ZNF438: variants seen among roughly 807,000 people sequenced by gnomAD.
ZNF438 encodes zinc finger protein 438.
A neutral mutation model predicts 38.0 loss-of-function variants in ZNF438; 25 were observed. The ratio of observed to expected loss-of-function variants is 0.66; its 90% CI spans 0.48 to 0.92. ZNF438 has a LOEUF of 0.92. ZNF438 is among the 40% of genes least tolerant of loss of function. The probability of loss-of-function intolerance (pLI) is 0.00; values close to 1 mark genes in which losing one functional copy is unlikely to be tolerated. For missense variants in ZNF438, 1,007 were observed against 999.6 expected (o/e 1.01, Z -0.10); for synonymous variants, 372 against 364.1 (o/e 1.02, Z -0.25).
At chr10:30,846,022 C>G (rs1490241844) in intron 5 of ZNF438, among the ~76,000 whole-genome samples, 1 of 152,214 alleles carries the variant, frequency 6.6e-6, no homozygotes, top group African/African-American at 2.4e-5. Context: ...CTGTCATGTT[C>G]AGTAAAAATA....
intron 2 of ZNF438, among the ~76,000 whole-genome samples, chr10:30,928,057 C>T (rs1006324799): frequency 6.6e-6 from 1 of 152,050 alleles, no homozygotes; most frequent in Non-Finnish European, 1.5e-5. Context: ...AAAATGTAAC[C>T]TTTTTTTCAG....
At chr10:31,007,991 A>G (rs1589699995) in intron 1 of ZNF438, among the ~76,000 whole-genome samples, 1 of 152,218 alleles carries the variant, frequency 6.6e-6, no homozygotes, top group Non-Finnish European at 1.5e-5. Context: ...TTAATGACAC[A>G]TTCACTTATT....
intron 2 of ZNF438, among the ~76,000 whole-genome samples, chr10:30,915,125 T>A (rs914271393): frequency 1.3e-5 from 2 of 152,026 alleles, no homozygotes; most frequent in African/African-American, 4.8e-5. Flanking sequence ...TAGATTTTTA[T>A]CATCAGTCAG....
At chr10:30,849,024 G>C (rs540375774) in exon 5 of ZNF438, 2 of 1,614,036 alleles carry the variant, frequency 1.2e-6, no homozygotes, top group Non-Finnish European at 1.7e-6. Context: ...AGGCCCCCAA[G>C]CATCTGGGAC....
chr10:30,923,365 T>C (rs1226878839), intron 2 of ZNF438: 1 of 152,218 alleles, frequency 6.6e-6, no homozygotes, highest in Admixed American at 6.5e-5. Context: ...CAATGTTGTT[T>C]TCATTTGACA....
chr10:31,001,783 A>C lies in ZNF438; in HGVS notation c.-192+30050T>G, dbSNP rs187077435. Among the ~76,000 whole-genome samples, 256 of 152,274 alleles carry C rather than the reference A, an allele frequency of 1.7e-3. 2 individuals are homozygous for C. The highest frequency in any genetic ancestry group is 8.1e-3 in the South Asian group (39 of 4,828). On this transcript the variant is annotated intron_variant, in intron 1 of 5. Transcript: ENST00000413025. ...TTAAAACATTCACCAAAATCCAATA[A>C]TTTAGTTCAATAGTTATTGAATAAT...
intron 1 of ZNF438, among the ~76,000 whole-genome samples, chr10:30,981,104 G>A (rs1176583830): frequency 2.0e-5 from 3 of 152,304 alleles, no homozygotes; most frequent in East Asian, 1.9e-4. Context: ...GAGGCACGTG[G>A]AGAGCATGTT....
chr10:30,849,968 C>A, exon 5 of ZNF438: 1 of 1,614,160 alleles, frequency 6.2e-7, no homozygotes, highest in Non-Finnish European at 8.5e-7. Flanking sequence ...AGCTTTGCTA[C>A]AGCCACTCTT....
intron 3 of ZNF438, among the ~76,000 whole-genome samples, chr10:30,883,340 C>T (rs1328136384): frequency 6.6e-6 from 1 of 152,042 alleles, no homozygotes; most frequent in African/African-American, 2.4e-5. Flanking sequence ...TGGCCCAGAC[C>T]TTCCTTCCTT....
chr10:30,895,382 T>C (rs2041195364), intron 3 of ZNF438, among the ~76,000 whole-genome samples: 2 of 152,208 alleles, frequency 1.3e-5, no homozygotes, highest in Admixed American at 1.3e-4. Flanking sequence ...TTATAATTAT[T>C]TAAATATTTC....
At chr10:30,873,984 A>C (rs901969890) in intron 4 of ZNF438, among the ~76,000 whole-genome samples, 5 of 152,040 alleles carry the variant, frequency 3.3e-5, no homozygotes, top group Non-Finnish European at 5.9e-5. Context: ...TTTGTTAAAT[A>C]AATCAATCTG....
chr10:30,993,752 G>A lies in ZNF438; in HGVS notation c.-192+38081C>T, dbSNP rs1364257399. 3.3e-5 allele frequency among the ~76,000 whole-genome samples: 5 copies of A among 152,240 alleles called. No homozygotes were observed. In the East Asian group the frequency reaches 9.6e-4, roughly 29 times the overall value. Reference sequence around the variant, plus strand: ...CCAGAACTATACCACCAGCATGCAGGTCCAACCTGCGAAAGCCACAGGCAC... The same window carrying A: ...CCAGAACTATACCACCAGCATGCAGATCCAACCTGCGAAAGCCACAGGCAC... On this transcript the variant is annotated intron_variant, in intron 1 of 5. Coordinates refer to ENST00000413025, the Ensembl canonical transcript of ZNF438.
At position 30,927,636 on chromosome 10, in the gene ZNF438, T is replaced by G. The variant is rs755739531; in HGVS notation, c.-115+13939A>C. ...ACTTATAATGTGCTAACTGGCCTAA[T>G]GCAGTAAATTACAGACATTGCACGT... On this transcript the variant is annotated intron_variant, in intron 2 of 5. Transcript: ENST00000413025. 5.9e-5 allele frequency among the ~76,000 whole-genome samples: 9 copies of G among 152,358 alleles called. 1 individual carries two copies. In the South Asian group the frequency reaches 1.7e-3, roughly 28 times the overall value.
intron 1 of ZNF438, among the ~76,000 whole-genome samples, chr10:31,006,257 G>A (rs758998779): frequency 3.3e-5 from 5 of 152,136 alleles, no homozygotes; most frequent in Admixed American, 6.5e-5. Context: ...GGGTTGGGAC[G>A]TTCAGTGACA....
At chr10:30,969,960 GA>G (rs1227601143) in intron 1 of ZNF438, among the ~76,000 whole-genome samples, 1 of 151,934 alleles carries the variant, frequency 6.6e-6, no homozygotes, top group Non-Finnish European at 1.5e-5. Context: ...AAAAGCCTAT[GA>G]AGAATAATGA....
chr10:30,857,776 G>A, intron 4 of ZNF438: 1 of 1,425,456 alleles, frequency 7.0e-7, no homozygotes, highest in Non-Finnish European at 9.3e-7. Context: ...CAAAGGATTG[G>A]ATCTGATGGA....
At chr10:31,011,052 A>C (rs991824627) in intron 1 of ZNF438, among the ~76,000 whole-genome samples, 1 of 152,180 alleles carries the variant, frequency 6.6e-6, no homozygotes, top group Admixed American at 6.5e-5. Flanking sequence ...TGCACCATGC[A>C]TGCTTCATGG....
chr10:30,848,525 A>T lies in ZNF438; in HGVS notation c.1874+6T>A. The T allele has an allele frequency of 6.2e-7, 1 of 1,605,820 alleles. No individual in the cohort carries two copies. Reference sequence around the variant, plus strand: ...CTTGCCAGGTCTCCATTACATTGGCACTCACCTCTCCAATGATCCCTCCAT... The same window carrying T: ...CTTGCCAGGTCTCCATTACATTGGCTCTCACCTCTCCAATGATCCCTCCAT... On this transcript the variant is annotated splice_donor_region_variant and intron_variant, in intron 5 of 5. Coordinates refer to ENST00000413025, the Ensembl canonical transcript of ZNF438.
At position 30,857,877 on chromosome 10, in the gene ZNF438, C is replaced by T; in HGVS notation, c.38-7510G>A. 4 of 667,016 alleles carry T rather than the reference C, an allele frequency of 6.0e-6. No homozygotes were observed. In the South Asian group the frequency reaches 1.9e-4, roughly 32 times the overall value. 41.3% of individuals were successfully genotyped at this position (667,016 alleles called of 1,614,324 possible). A position where few individuals can be genotyped will look rare whatever the true frequency, so the allele number is the denominator to read the frequency against. Reference sequence around the variant, plus strand: ...CTTACCCAGCTTTATTAAACTGTTTCACAATGCAGCTACCACAAATAGTAT... The same window carrying T: ...CTTACCCAGCTTTATTAAACTGTTTTACAATGCAGCTACCACAAATAGTAT... On this transcript the variant is annotated intron_variant, in intron 4 of 5. Transcript: ENST00000413025.
Sources: allele counts gnomAD v4.1 joint callset (sites outside exome capture counted in the v4.1 genomes callset), GRCh38; gene constraint gnomAD v4.1.1; transcripts MANE v1.5; gene names NCBI Gene and HGNC (gene_info 2026-07-23, HGNC 2026-07-21).